GKAP1: variants seen among roughly 807,000 people sequenced by gnomAD.
The protein encoded by GKAP1 is G kinase anchoring protein 1.
A neutral mutation model predicts 56.7 loss-of-function variants in GKAP1; 31 were observed. That is an observed-to-expected ratio of 0.55 (90% CI 0.41 to 0.74). The LOEUF is 0.74. Among genes scored for constraint, GKAP1 ranks in the 30% least tolerant of loss-of-function variants. GKAP1 has a pLI of 0.00. For synonymous variants in GKAP1, 151 were observed against 138.6 expected (o/e 1.09, Z -0.63); for missense variants, 364 against 402.3 (o/e 0.90, Z 0.82).
Position 83,779,448 on chromosome 9 carries a change from T to TACACACACACAC in GKAP1, c.585+922_585+933dup, listed in dbSNP as rs368970118. Among the ~76,000 whole-genome samples, 1,058 of 119,604 alleles carry TACACACACACAC rather than the reference T, an allele frequency of 8.8e-3. 28 individuals are homozygous for TACACACACACAC. Among genetic ancestry groups the TACACACACACAC allele is most frequent in the Middle Eastern group, 0.027 (6 of 226 alleles). 78.5% of individuals were successfully genotyped at this position (119,604 alleles called of 152,430 possible). ...AGCCATATATATATATATATATATA[T>TACACACACACAC]ACACACACACACACACGCACATATA... On this transcript the variant is annotated intron_variant, in intron 7 of 12. Coordinates refer to ENST00000376371, the MANE Select transcript of GKAP1 (RefSeq NM_025211.4).
chr9:83,768,990 A>T lies in GKAP1; in HGVS notation c.586-20T>A. On this transcript the variant is annotated intron_variant, in intron 7 of 12. Coordinates refer to ENST00000376371, the MANE Select transcript of GKAP1 (RefSeq NM_025211.4). ...CAATTCCTGTCAAAAATGAATTACG[A>T]TTTACTATCATTCAACATGCACTGA... The T allele has an allele frequency of 6.3e-7, 1 of 1,595,208 alleles. No homozygotes were observed. The highest frequency in any genetic ancestry group is 8.5e-7 in the Non-Finnish European group (1 of 1,170,850).
chr9:83,752,648 T>C (rs968957200), intron 9 of GKAP1, among the ~76,000 whole-genome samples: 1 of 152,172 alleles, frequency 6.6e-6, no homozygotes, highest in African/African-American at 2.4e-5. Flanking sequence ...GGTTACACAA[T>C]ACTGTGTATA....
Position 83,739,481 on chromosome 9 carries a change from G to C in GKAP1, c.*216C>G. 2 of 406,840 alleles carry C rather than the reference G, an allele frequency of 4.9e-6. No individual in the cohort carries two copies. Among genetic ancestry groups the C allele is most frequent in the South Asian group, 1.7e-4 (2 of 11,588 alleles). The allele number at this position is 406,840 out of a possible 1,614,324, so 25.2% of individuals were successfully genotyped here. A position where few individuals can be genotyped will look rare whatever the true frequency, so the allele number is the denominator to read the frequency against. ...AAAAACTAAAGTGATAAGAAGTATG[G>C]ATAGTAGACAACCACTGAATTCTGC... On this transcript the variant is annotated 3_prime_UTR_variant, in exon 13 of 13. Transcript: ENST00000376371.
intron 9 of GKAP1, 161 bp from the exon 10 acceptor site, chr9:83,748,533 C>T: frequency 2.2e-6 from 1 of 455,360 alleles, no homozygotes; most frequent in Non-Finnish European, 3.9e-6. Context: ...CTATCTACAA[C>T]TTAAATTAAG....
intron 5 of GKAP1, among the ~76,000 whole-genome samples, chr9:83,785,954 T>C (rs1944056821): frequency 6.6e-6 from 1 of 152,244 alleles, no homozygotes; most frequent in Non-Finnish European, 1.5e-5. Flanking sequence ...AAATATGCTA[T>C]ATTCTTTCAC....
intron 3 of GKAP1, among the ~76,000 whole-genome samples, chr9:83,804,031 G>A (rs1485059190): frequency 1.3e-5 from 2 of 150,428 alleles, no homozygotes; most frequent in Non-Finnish European, 3.0e-5. Context: ...CGCCCCGTCT[G>A]AGAAGTAAGG....
rs1382081746 is a variant in GKAP1 at position 83,812,453 on chromosome 9, T to G, written c.-44+4543A>C. On this transcript the variant is annotated intron_variant, in intron 2 of 12. Transcript: ENST00000376371. Reference sequence around the variant, plus strand: ...GCCTCAACTTCCTGGTCTCAGGTGATTCTCCCACCTCGGCCTCCAGAGTAG... The same window carrying G: ...GCCTCAACTTCCTGGTCTCAGGTGAGTCTCCCACCTCGGCCTCCAGAGTAG... 2.7e-5 allele frequency among the ~76,000 whole-genome samples: 4 copies of G among 150,874 alleles called. 1 individual carries two copies. The South Asian group carries it at 6.3e-4, about 24-fold the overall frequency.
intron 10 of GKAP1, 130 bp from the exon 11 acceptor site, chr9:83,742,730 C>T: frequency 1.9e-6 from 1 of 537,540 alleles, no homozygotes; most frequent in South Asian, 3.0e-5. Flanking sequence ...GAATCTACTT[C>T]TTGACCTTGC....
rs768228461 is a variant in GKAP1 at position 83,741,915 on chromosome 9, T to G, written c.1053+37A>C. ...CACAGTATCTACTCCAAATGTATTA[T>G]TTGTGATAAAAACACTTATAAATTA... On this transcript the variant is annotated intron_variant, in intron 12 of 12. Coordinates refer to ENST00000376371, the MANE Select transcript of GKAP1 (RefSeq NM_025211.4). 1.0e-5 allele frequency: 13 copies of G among 1,280,174 alleles called. No homozygotes were observed. The East Asian group carries it at 2.8e-4, about 28-fold the overall frequency. The allele number at this position is 1,280,174 out of a possible 1,614,324, so 79.3% of individuals were successfully genotyped here.
In GKAP1 at chr9:83,742,076, C is replaced by T. The variant is rs989754675; in HGVS notation, c.976-47G>A. The T allele has an allele frequency of 1.0e-5, 12 of 1,152,518 alleles. No individual in the cohort carries two copies. In the Middle Eastern group the frequency reaches 7.8e-4, roughly 74 times the overall value. The allele number at this position is 1,152,518 out of a possible 1,614,324, so 71.4% of individuals were successfully genotyped here. A position where few individuals can be genotyped will look rare whatever the true frequency, so the allele number is the denominator to read the frequency against. On this transcript the variant is annotated intron_variant, in intron 11 of 12. Transcript: ENST00000376371. The stretch of plus-strand genomic sequence containing the variant: ...GAAAAAGAATTTTTGGGGTTTTTGG[C>T]AAATACTCAATTCTTAACATATTCA...
intron 7 of GKAP1, among the ~76,000 whole-genome samples, chr9:83,773,868 C>T (rs964075441): frequency 2.6e-5 from 4 of 152,084 alleles, no homozygotes; most frequent in African/African-American, 9.7e-5. Context: ...TAGTTCATCT[C>T]GAAATTCTTT....
intron 7 of GKAP1, among the ~76,000 whole-genome samples, chr9:83,774,756 T>C (rs1404105833): frequency 1.5e-5 from 2 of 130,024 alleles, no homozygotes; most frequent in Non-Finnish European, 3.1e-5. Context: ...TGTTGCCAGG[T>C]TGGAGTGCAG....
intron 8 of GKAP1, among the ~76,000 whole-genome samples, chr9:83,767,687 A>C (rs1188622775): frequency 4.6e-5 from 7 of 151,610 alleles, no homozygotes; most frequent in African/African-American, 1.5e-4. Context: ...CTAATTTTTA[A>C]AATTATTTAT....
rs1261392056 is a variant in GKAP1 at position 83,817,621 on chromosome 9, G to T, written c.-280C>A. ...CGCACTGGGCGTTGGGACTGGTCTG[G>T]GTCAAGTGTCGGCAGAGCTGGGGGC... On this transcript the variant is annotated 5_prime_UTR_variant, in exon 1 of 13. Coordinates refer to ENST00000376371, the MANE Select transcript of GKAP1 (RefSeq NM_025211.4). The T allele has an allele frequency of 6.6e-6, 1 of 151,310 alleles. No homozygotes were observed. Among genetic ancestry groups the T allele is most frequent in the East Asian group, 2.0e-4 (1 of 5,126 alleles). 9.4% of individuals were successfully genotyped at this position (151,310 alleles called of 1,614,324 possible). A position where few individuals can be genotyped will look rare whatever the true frequency, so the allele number is the denominator to read the frequency against.
chr9:83,766,573 T>A (rs571916225), intron 8 of GKAP1, among the ~76,000 whole-genome samples: 1 of 152,318 alleles, frequency 6.6e-6, no homozygotes, highest in African/African-American at 2.4e-5. Flanking sequence ...CTGTATACCA[T>A]ATAACACAAA....
At position 83,806,420 on chromosome 9, in the gene GKAP1, T is replaced by C. The variant is rs140059578; in HGVS notation, c.98A>G (p.Lys33Arg). 1.2e-6 allele frequency: 2 copies of C among 1,612,806 alleles called. No homozygotes were observed. Among genetic ancestry groups the C allele is most frequent in the Non-Finnish European group, 1.7e-6 (2 of 1,179,264 alleles). ...CTTTCCAGTATTTCGACCTTTACCTTTTCCAGGTTCAGAATCAGAGCCACT... is the reference window on the plus strand; with the variant it reads ...CTTTCCAGTATTTCGACCTTTACCTCTTCCAGGTTCAGAATCAGAGCCACT... ...SGSGSDSEPG[K>R]GKGRNTGKSQ... The change falls in exon 3 of 13, where the codon AAA (lysine) becomes AGA (arginine). Residue 33 changes from lysine to arginine, a missense_variant. Coordinates refer to ENST00000376371, the MANE Select transcript of GKAP1 (RefSeq NM_025211.4).
intron 8 of GKAP1, among the ~76,000 whole-genome samples, chr9:83,762,469 G>T (rs767159493): frequency 6.6e-6 from 1 of 151,878 alleles, no homozygotes; most frequent in Non-Finnish European, 1.5e-5. Context: ...TTAAAATGTC[G>T]ATACCACCCA....
intron 12 of GKAP1, 79 bp downstream of exon 12, chr9:83,741,873 T>C (rs1012338807): frequency 3.6e-6 from 3 of 833,126 alleles, no homozygotes; most frequent in African/African-American, 3.5e-5. Context: ...AAGAATAAAA[T>C]ACTGCATTTA....
At chr9:83,812,316 T>C (rs543710999) in intron 2 of GKAP1, among the ~76,000 whole-genome samples, 182 of 146,284 alleles carry the variant, frequency 1.2e-3, no homozygotes, top group African/African-American at 4.0e-3. Context: ...TACATATATA[T>C]GTATATATAC....
Sources: allele counts gnomAD v4.1 joint callset (sites outside exome capture counted in the v4.1 genomes callset), GRCh38; gene constraint gnomAD v4.1.1; transcripts MANE v1.5; gene names NCBI Gene and HGNC (gene_info 2026-07-23, HGNC 2026-07-21).